DPYSL2: variants seen among roughly 807,000 people sequenced by gnomAD.
DPYSL2 encodes the protein dihydropyrimidinase like 2.
Under a neutral mutation model 69.9 loss-of-function variants are expected in DPYSL2, and 13 were observed. The ratio of observed to expected loss-of-function variants is 0.19; its 90% CI spans 0.12 to 0.30. DPYSL2 has a LOEUF of 0.30. DPYSL2 is among the 10% of genes least tolerant of loss of function. The pLI, the probability that DPYSL2 is intolerant of heterozygous loss-of-function variation, is 1.00. For missense variants in DPYSL2, 587 were observed against 918.9 expected (o/e 0.64, Z 4.67); for synonymous variants, 326 against 359.1 (o/e 0.91, Z 1.04).
Position 26,653,391 on chromosome 8 carries a change from T to C in DPYSL2, c.1936T>C (p.Leu646=). ...VRNLHQSGFS[L]SGAQIDDNIP... ...GAACCTGCACCAGTCTGGATTCAGT[T>C]TGTCTGGTAGGGTTGGGGCTTGGGG... Residue 646 remains leucine, a synonymous_variant, in exon 13 of 14, where the codon TTG becomes CTG. Transcript: ENST00000521913. This position sits in a 1 kb window ranked among gnomAD's most constrained non-coding sequence, Gnocchi z 5.7. 6.2e-7 allele frequency: 1 copy of C among 1,613,198 alleles called. No individual in the cohort carries two copies. The highest frequency in any genetic ancestry group is 8.5e-7 in the Non-Finnish European group (1 of 1,179,580).
rs2129665283 is a variant in DPYSL2 at position 26,562,367 on chromosome 8, T to C, written c.355-19602T>C. Among the ~76,000 whole-genome samples the C allele has an allele frequency of 6.6e-6, 1 of 152,324 alleles. No individual in the cohort carries two copies. Among genetic ancestry groups the C allele is most frequent in the East Asian group, 1.9e-4 (1 of 5,178 alleles). On this transcript the variant is annotated intron_variant, in intron 1 of 13. Transcript: ENST00000521913. This position sits in a 1 kb window ranked among gnomAD's most constrained non-coding sequence, Gnocchi z 4.9. ...CAGTAATTGCTGCAAAAGTGGTAGC[T>C]GTTATTATTGCCTCCAACATAAATG...
chr8:26,623,519 G>A (rs327221), intron 3 of DPYSL2, among the ~76,000 whole-genome samples: 34,084 of 152,016 alleles, frequency 0.22, 4,387 homozygotes, highest in African/African-American at 0.35. Context: ...AAACCAACTC[G>A]GGTCAGCTTG....
Position 26,626,775 on chromosome 8 carries a change from T to A in DPYSL2, c.855+97T>A. On this transcript the variant is annotated intron_variant, in intron 5 of 13. Coordinates refer to ENST00000521913, the MANE Select transcript of DPYSL2 (RefSeq NM_001197293.3). The surrounding 1 kb of genome is among the most constrained non-coding windows in gnomAD (Gnocchi z 4.3). ...CAGTCTCCGATGTATGCATGTTTCC[T>A]AGCTTCCTGGGAAGTGGCTGGTGGA... The A allele has an allele frequency of 1.6e-6, 2 of 1,289,184 alleles. No homozygotes were observed. Among genetic ancestry groups the A allele is most frequent in the South Asian group, 1.3e-5 (1 of 78,474 alleles). The allele number at this position is 1,289,184 out of a possible 1,614,324, so 79.9% of individuals were successfully genotyped here. A position where few individuals can be genotyped will look rare whatever the true frequency, so the allele number is the denominator to read the frequency against.
intron 1 of DPYSL2, among the ~76,000 whole-genome samples, chr8:26,547,402 A>G (rs1800789485): frequency 1.3e-5 from 2 of 151,988 alleles, no homozygotes; most frequent in Non-Finnish European, 2.9e-5. Flanking sequence ...AGCCCACTGC[A>G]GCAGCAAGAT....
In DPYSL2 at chr8:26,593,167, G is replaced by T. The variant is rs988215793; in HGVS notation, c.628+9184G>T. 3.3e-5 allele frequency among the ~76,000 whole-genome samples: 5 copies of T among 152,166 alleles called. No individual in the cohort carries two copies. The highest frequency in any genetic ancestry group is 1.2e-4 in the African/African-American group (5 of 41,438). On this transcript the variant is annotated intron_variant, in intron 3 of 13. Transcript: ENST00000521913. This position sits in a 1 kb window ranked among gnomAD's most constrained non-coding sequence, Gnocchi z 5.7. ...TCCCCCTAATGACAGAGAGGATGTT[G>T]CTGGGGGTTGGGTCGCGGTGGCTGA...
chr8:26,556,924 G>A (rs1363651444), intron 1 of DPYSL2, among the ~76,000 whole-genome samples: 1 of 152,136 alleles, frequency 6.6e-6, no homozygotes, highest in Non-Finnish European at 1.5e-5. Context: ...GACCCACACA[G>A]ATATAGTTGA....
intron 1 of DPYSL2, chr8:26,578,069 A>G: frequency 6.8e-7 from 1 of 1,476,492 alleles, no homozygotes; most frequent in Non-Finnish European, 8.9e-7. Flanking sequence ...AGAAAGAGAG[A>G]CAGAGGATTG....
At position 26,593,393 on chromosome 8, in the gene DPYSL2, GCTTGTT is replaced by G. The variant is rs1801785293; in HGVS notation, c.628+9413_628+9418del. 6.6e-6 allele frequency among the ~76,000 whole-genome samples: 1 copy of G among 152,154 alleles called. No individual in the cohort carries two copies. The stretch of plus-strand genomic sequence containing the variant: ...GGGATTAAGAATCATGGATCCCAGT[GCTTGTT>G]CTGATAGTTGGACTTCTGTTGAAAC... On this transcript the variant is annotated intron_variant, in intron 3 of 13. Transcript: ENST00000521913. This position sits in a 1 kb window ranked among gnomAD's most constrained non-coding sequence, Gnocchi z 5.7.
intron 1 of DPYSL2, among the ~76,000 whole-genome samples, chr8:26,537,611 T>TACACACACACACACACACACAC (rs56080102): frequency 0.056 from 8,215 of 147,490 alleles, 293 homozygotes; most frequent in Admixed American, 0.11. Flanking sequence ...ATTCTCTCTC[T>TACACACACACACACACACACAC]ACACACACAC....
Position 26,626,465 on chromosome 8 carries a change from C to G in DPYSL2, c.794-152C>G. ...TTCTGTGTCTCCATTTCTCTCCTCTCTCTTTCTCTGTACTGAAACACACAC... is the reference window on the plus strand; with the variant it reads ...TTCTGTGTCTCCATTTCTCTCCTCTGTCTTTCTCTGTACTGAAACACACAC... On this transcript the variant is annotated intron_variant, in intron 4 of 13. Transcript: ENST00000521913. This position sits in a 1 kb window ranked among gnomAD's most constrained non-coding sequence, Gnocchi z 4.3. The G allele has an allele frequency of 4.5e-6, 3 of 664,464 alleles. No individual in the cohort carries two copies. Among genetic ancestry groups the G allele is most frequent in the Non-Finnish European group, 7.4e-6 (3 of 404,898 alleles). 41.2% of individuals were successfully genotyped at this position (664,464 alleles called of 1,614,324 possible). A position where few individuals can be genotyped will look rare whatever the true frequency, so the allele number is the denominator to read the frequency against.
intron 2 of DPYSL2, among the ~76,000 whole-genome samples, chr8:26,583,010 C>T (rs192379809): frequency 3.3e-5 from 5 of 152,190 alleles, no homozygotes; most frequent in African/African-American, 7.2e-5. Flanking sequence ...GTTCCATTTT[C>T]CCCCAATTAT....
intron 3 of DPYSL2, among the ~76,000 whole-genome samples, chr8:26,606,344 G>C (rs1261813109): frequency 6.6e-6 from 1 of 152,084 alleles, no homozygotes; most frequent in Non-Finnish European, 1.5e-5. Flanking sequence ...GAAGAGACCA[G>C]AAGAAAATAC....
rs184752320 is a variant in DPYSL2, at chr8:26,626,540, A to G, written c.794-77A>G. The G allele has an allele frequency of 1.6e-6, 2 of 1,290,050 alleles. No homozygotes were observed. Among genetic ancestry groups the G allele is most frequent in the Non-Finnish European group, 1.1e-6 (1 of 892,398 alleles). 79.9% of individuals were successfully genotyped at this position (1,290,050 alleles called of 1,614,324 possible). A position where few individuals can be genotyped will look rare whatever the true frequency, so the allele number is the denominator to read the frequency against. The stretch of plus-strand genomic sequence containing the variant: ...ACACACACGTACACACACAGACAGT[A>G]TTATCACTTTCTTATCCCTTATTTG... On this transcript the variant is annotated intron_variant, in intron 4 of 13. Coordinates refer to ENST00000521913, the MANE Select transcript of DPYSL2 (RefSeq NM_001197293.3). This position sits in a 1 kb window ranked among gnomAD's most constrained non-coding sequence, Gnocchi z 4.3.
rs751457622 is a variant in DPYSL2, at chr8:26,585,733, G to A, written c.628+1750G>A. On this transcript the variant is annotated intron_variant, in intron 3 of 13. Coordinates refer to ENST00000521913, the MANE Select transcript of DPYSL2 (RefSeq NM_001197293.3). The surrounding 1 kb of genome is among the most constrained non-coding windows in gnomAD (Gnocchi z 4.0). Reference sequence around the variant, plus strand: ...TGTCAGCCGGGAAGGCCAAGTCAGGGTGATCATCTGCCTCAGTTTGGAGTT... The same window carrying A: ...TGTCAGCCGGGAAGGCCAAGTCAGGATGATCATCTGCCTCAGTTTGGAGTT... Among the ~76,000 whole-genome samples, 17 of 152,184 alleles carry A rather than the reference G, an allele frequency of 1.1e-4. No homozygotes were observed. The highest frequency in any genetic ancestry group is 2.4e-4 in the Non-Finnish European group (16 of 68,044).
rs1278388941 is a variant in DPYSL2, at chr8:26,565,746, T to C, written c.355-16223T>C. Among the ~76,000 whole-genome samples, 1 of 152,212 alleles carries C rather than the reference T, an allele frequency of 6.6e-6. No homozygotes were observed. The highest frequency in any genetic ancestry group is 1.5e-5 in the Non-Finnish European group (1 of 68,032). ...CATAATAGTTCAAGGTGGGTGTTTCTGTTGAGTGGGCAGAGAAAGGTACAG... is the reference window on the plus strand; with the variant it reads ...CATAATAGTTCAAGGTGGGTGTTTCCGTTGAGTGGGCAGAGAAAGGTACAG... On this transcript the variant is annotated intron_variant, in intron 1 of 13. Transcript: ENST00000521913. The surrounding 1 kb of genome is among the most constrained non-coding windows in gnomAD (Gnocchi z 4.1).
chr8:26,594,353 T>C (rs1801811306), intron 3 of DPYSL2, among the ~76,000 whole-genome samples: 1 of 152,322 alleles, frequency 6.6e-6, no homozygotes, highest in African/African-American at 2.4e-5. Context: ...TCTCTATCTA[T>C]CTATTAATAT....
In DPYSL2 at chr8:26,610,168, T is replaced by G. The variant is rs917338303; in HGVS notation, c.629-13975T>G. Reference sequence around the variant, plus strand: ...ATCTGCAAGAGCCTGTAGCGTCAGGTTTCTTTCCTTTTGATTGGGATGACA... The same window carrying G: ...ATCTGCAAGAGCCTGTAGCGTCAGGGTTCTTTCCTTTTGATTGGGATGACA... On this transcript the variant is annotated intron_variant, in intron 3 of 13. Transcript: ENST00000521913. This position sits in a 1 kb window ranked among gnomAD's most constrained non-coding sequence, Gnocchi z 4.5. 6.6e-6 allele frequency among the ~76,000 whole-genome samples: 1 copy of G among 152,212 alleles called. No homozygotes were observed. Among genetic ancestry groups the G allele is most frequent in the Non-Finnish European group, 1.5e-5 (1 of 68,044 alleles).
In DPYSL2 at chr8:26,591,725, G is replaced by T. The variant is rs542624291; in HGVS notation, c.628+7742G>T. Reference sequence around the variant, plus strand: ...GAATGGTGGGTGGCAGGTGGGCTGTGGGGGAGTCCAGATCCTCTCCGCTTT... The same window carrying T: ...GAATGGTGGGTGGCAGGTGGGCTGTTGGGGAGTCCAGATCCTCTCCGCTTT... On this transcript the variant is annotated intron_variant, in intron 3 of 13. Transcript: ENST00000521913. This position sits in a 1 kb window ranked among gnomAD's most constrained non-coding sequence, Gnocchi z 5.8. Among the ~76,000 whole-genome samples the T allele has an allele frequency of 1.3e-5, 2 of 152,190 alleles. No individual in the cohort carries two copies. Among genetic ancestry groups the T allele is most frequent in the East Asian group, 3.9e-4 (2 of 5,184 alleles).
intron 1 of DPYSL2, among the ~76,000 whole-genome samples, chr8:26,557,770 CAAAG>C (rs1801013499): frequency 6.6e-6 from 1 of 151,834 alleles, no homozygotes. Flanking sequence ...GCCTGGGTGA[CAAAG>C]AAGACTTTTT....
Sources: allele counts gnomAD v4.1 joint callset (sites outside exome capture counted in the v4.1 genomes callset), GRCh38; gene constraint gnomAD v4.1.1; non-coding constraint Gnocchi (gnomAD v3.1); transcripts MANE v1.5; gene names NCBI Gene and HGNC (gene_info 2026-07-23, HGNC 2026-07-21).